Variants in RNF216 observed in about 807,000 individuals in gnomAD.
The protein encoded by RNF216 is E3 ubiquitin-protein ligase RNF216.
RNF216 carries 72 observed loss-of-function variants against 110.8 expected under a neutral mutation model. The ratio of observed to expected loss-of-function variants is 0.65; its 90% CI spans 0.54 to 0.79. The LOEUF is 0.79. Among genes scored for constraint, RNF216 ranks in the 30% least tolerant of loss-of-function variants. The pLI is 0.00. For missense variants in RNF216, 1,342 were observed against 1,141.2 expected, an observed-to-expected ratio of 1.18 and a Z score of -2.54; for synonymous variants, 495 against 407.5, an observed-to-expected ratio of 1.21 and a Z score of -2.59.
At position 5,781,661 on chromosome 7, in the gene RNF216, C is replaced by A. The variant is rs1015637068; in HGVS notation, c.-190G>T. On this transcript the variant is annotated 5_prime_UTR_variant, in exon 1 of 17. Coordinates refer to ENST00000389902, the MANE Select transcript of RNF216 (RefSeq NM_207111.4). ...GCCGCTGCACTCCTTCCGGCCCTGC[C>A]GCGGCGTCACCTCGCGCCTGCGCAC... The A allele has an allele frequency of 1.3e-5, 2 of 152,394 alleles. No homozygotes were observed. The highest frequency in any genetic ancestry group is 2.9e-5 in the Non-Finnish European group (2 of 68,166). 9.4% of individuals were successfully genotyped at this position (152,394 alleles called of 1,614,324 possible). A position where few individuals can be genotyped will look rare whatever the true frequency, so the allele number is the denominator to read the frequency against.
At chr7:5,721,542 A>G (rs1229896070) in intron 8 of RNF216, among the ~76,000 whole-genome samples, 2 of 152,204 alleles carry the variant, frequency 1.3e-5, no homozygotes, top group African/African-American at 4.8e-5. Context: ...TGGTGAATGT[A>G]TGTCCGCAAT....
Position 5,641,149 on chromosome 7 carries a change from C to T in RNF216, c.2382+5G>A. The T allele has an allele frequency of 6.2e-7, 1 of 1,605,844 alleles. No homozygotes were observed. Among genetic ancestry groups the T allele is most frequent in the Non-Finnish European group, 8.5e-7 (1 of 1,172,866 alleles). On this transcript the variant is annotated splice_donor_5th_base_variant and intron_variant, in intron 15 of 16. Coordinates refer to ENST00000389902, the MANE Select transcript of RNF216 (RefSeq NM_207111.4). ...AAAGCAATAGGCAGCCATGTGTCTA[C>T]TTACAGTGGGATCGGTCCAGAGAGA...
intron 8 of RNF216, 117 bp from the exon 9 acceptor site, chr7:5,721,289 T>G: frequency 1.1e-6 from 1 of 904,296 alleles, no homozygotes; most frequent in Non-Finnish European, 1.7e-6. Context: ...GTACGTTTCA[T>G]GACTTTTCTA....
At chr7:5,729,311 C>T (rs1793945464) in intron 7 of RNF216, 121 bp downstream of exon 7, 1 of 892,778 alleles carries the variant, frequency 1.1e-6, no homozygotes, top group Admixed American at 2.2e-5. Context: ...TATCTTCACC[C>T]TAATAAATTC....
At chr7:5,644,216 G>A (rs886143295) in intron 14 of RNF216, among the ~76,000 whole-genome samples, 1 of 152,022 alleles carries the variant, frequency 6.6e-6, no homozygotes, top group Non-Finnish European at 1.5e-5. Flanking sequence ...GGAACTGCTG[G>A]GTCATATGGT....
rs539270518 is a variant in RNF216 at position 5,719,333 on chromosome 7, A to G, written c.1644+1700T>C. On this transcript the variant is annotated intron_variant, in intron 9 of 16. Coordinates refer to ENST00000389902, the MANE Select transcript of RNF216 (RefSeq NM_207111.4). ...GGTTGAAGCAGTAAGCCATGATTGC[A>G]TCACTGCACTCCAGCCTAAGTAACA... Among the ~76,000 whole-genome samples the G allele has an allele frequency of 2.7e-4, 41 of 152,330 alleles. 2 individuals carry two copies. In the South Asian group the frequency reaches 8.3e-3, roughly 31 times the overall value.
At chr7:5,735,009 G>C (rs1012194746) in intron 5 of RNF216, among the ~76,000 whole-genome samples, 5 of 151,696 alleles carry the variant, frequency 3.3e-5, no homozygotes, top group African/African-American at 1.2e-4. Flanking sequence ...AAACTAGCTG[G>C]GCGGTGGGCA....
At chr7:5,685,431 T>C (rs1012147179) in intron 13 of RNF216, among the ~76,000 whole-genome samples, 2 of 152,138 alleles carry the variant, frequency 1.3e-5, no homozygotes, top group Non-Finnish European at 2.9e-5. Flanking sequence ...AAGGGAGGAT[T>C]GTTGGGAGGG....
At chr7:5,674,441 G>C (rs891779158) in intron 13 of RNF216, among the ~76,000 whole-genome samples, 1 of 151,162 alleles carries the variant, frequency 6.6e-6, no homozygotes. Context: ...ACAGGAGTGA[G>C]CCACTGCACC....
intron 13 of RNF216, among the ~76,000 whole-genome samples, chr7:5,694,207 C>G (rs1472167029): frequency 1.3e-5 from 2 of 152,138 alleles, no homozygotes; most frequent in Non-Finnish European, 2.9e-5. Context: ...TTAGGACGGC[C>G]TACTCAATTT....
rs546004272 is a variant in RNF216, at chr7:5,646,408, A to G, written c.2160-5032T>C. 7.4e-3 allele frequency among the ~76,000 whole-genome samples: 1,124 copies of G among 151,934 alleles called. 7 individuals carry two copies. Among genetic ancestry groups the G allele is most frequent in the African/African-American group, 0.025 (1,029 of 41,442 alleles). ...CAAAACAAAACAAAAGGAAAAAAAA[A>G]GGGGGCCAGGTGCCGTGGCTCACAC... is the stretch of plus-strand genomic sequence containing the variant. On this transcript the variant is annotated intron_variant, in intron 14 of 16. Coordinates refer to ENST00000389902, the MANE Select transcript of RNF216 (RefSeq NM_207111.4).
rs1187600809 is a variant in RNF216 at position 5,621,648 on chromosome 7, C to G, written c.*1212G>C. The stretch of plus-strand genomic sequence containing the variant: ...GCTGTGTCTGAGGTCTGTGAACTCC[C>G]AGCCTCTCAGAACCCCATGGCAACA... On this transcript the variant is annotated 3_prime_UTR_variant, in exon 17 of 17. Transcript: ENST00000389902. 6.6e-6 allele frequency: 1 copy of G among 152,360 alleles called. No homozygotes were observed. The highest frequency in any genetic ancestry group is 1.5e-5 in the Non-Finnish European group (1 of 68,170). 9.4% of individuals were successfully genotyped at this position (152,360 alleles called of 1,614,324 possible).
intron 1 of RNF216, among the ~76,000 whole-genome samples, chr7:5,762,895 G>A (rs1254941171): frequency 6.6e-6 from 1 of 152,150 alleles, no homozygotes; most frequent in African/African-American, 2.4e-5. Context: ...AATCTGGGTA[G>A]CAGAGTGGGG....
At chr7:5,667,916 C>T (rs972485157) in intron 13 of RNF216, among the ~76,000 whole-genome samples, 10 of 152,150 alleles carry the variant, frequency 6.6e-5, no homozygotes, top group Non-Finnish European at 1.5e-5. Flanking sequence ...AGGAGGAAGT[C>T]GAGGCTTCAT....
rs997564874 is a variant in RNF216 at position 5,696,266 on chromosome 7, G to A, written c.2061+15495C>T. On this transcript the variant is annotated intron_variant, in intron 13 of 16. Coordinates refer to ENST00000389902, the MANE Select transcript of RNF216 (RefSeq NM_207111.4). The surrounding 1 kb of genome is among the most constrained non-coding windows in gnomAD (Gnocchi z 5.4). The stretch of plus-strand genomic sequence containing the variant: ...CTCTCAGCAGCTGGGAAAACATGTT[G>A]CAAAAGGAGAATTAAGCAATTCTCT... Among the ~76,000 whole-genome samples, 2 of 152,216 alleles carry A rather than the reference G, an allele frequency of 1.3e-5. No individual in the cohort carries two copies. Among genetic ancestry groups the A allele is most frequent in the African/African-American group, 2.4e-5 (1 of 41,464 alleles).
chr7:5,754,110 C>T, intron 2 of RNF216, among the ~76,000 whole-genome samples: 1 of 142,130 alleles, frequency 7.0e-6, no homozygotes, highest in Non-Finnish European at 1.5e-5. Context: ...TAATGTTTTT[C>T]TTTTGTGTGG....
Position 5,752,980 on chromosome 7 carries a change from C to A in RNF216, c.68-1G>T. The A allele has an allele frequency of 6.2e-7, 1 of 1,608,112 alleles. No homozygotes were observed. The highest frequency in any genetic ancestry group is 8.5e-7 in the Non-Finnish European group (1 of 1,177,862). On this transcript the variant is annotated splice_acceptor_variant, in intron 2 of 16. Coordinates refer to ENST00000389902, the MANE Select transcript of RNF216 (RefSeq NM_207111.4). LOFTEE classifies it high-confidence loss of function. ...GGCCCATCTCGGAGATTGATCCACT[C>A]TACAGGAAAGCAGAGAACACTGTTA...
At chr7:5,761,375 TACAAATATGCTA>T (rs1562470774) in intron 1 of RNF216, among the ~76,000 whole-genome samples, 1 of 152,002 alleles carries the variant, frequency 6.6e-6, no homozygotes. Flanking sequence ...GACATCTTGA[TACAAATATGCTA>T]ACAAAGAAAT....
chr7:5,715,801 G>A (rs892318816), intron 10 of RNF216, among the ~76,000 whole-genome samples: 3 of 147,002 alleles, frequency 2.0e-5, no homozygotes, highest in African/African-American at 7.6e-5. Context: ...GAGTGCAGTG[G>A]CACGATCTTG....
Sources: gnomAD v4.1 joint callset for allele counts (sites outside exome capture counted in the v4.1 genomes callset) on GRCh38, gnomAD v4.1.1 for gene constraint, Gnocchi (gnomAD v3.1) non-coding constraint, MANE v1.5 for transcripts, NCBI Gene and HGNC (gene_info 2026-07-23, HGNC 2026-07-21) for gene names.